NAV2: variants seen among roughly 807,000 people sequenced by gnomAD.
NAV2 encodes helicase, APC down-regulated 1.
Under a neutral mutation model 223.2 loss-of-function variants are expected in NAV2, and 54 were observed. The ratio of observed to expected loss-of-function variants is 0.24; its 90% CI spans 0.19 to 0.30. The LOEUF (loss-of-function observed/expected upper bound fraction) is 0.30, where lower values mean the gene tolerates loss of function less well. Among genes scored for constraint, NAV2 ranks in the 10% least tolerant of loss-of-function variants. NAV2 has a pLI of 1.00. For missense variants in NAV2, 2,806 were observed against 3,147.5 expected, an observed-to-expected ratio of 0.89 and a Z score of 2.60; for synonymous variants, 1,279 against 1,239.3, an observed-to-expected ratio of 1.03 and a Z score of -0.67.
intron 1 of NAV2, among the ~76,000 whole-genome samples, chr11:19,427,016 C>T (rs758096765): frequency 1.3e-5 from 2 of 152,050 alleles, no homozygotes; most frequent in Non-Finnish European, 2.9e-5. Flanking sequence ...GGCATGGCAC[C>T]CTGCTACAGT....
chr11:19,986,009 T>C (rs1221798413), intron 11 of NAV2, among the ~76,000 whole-genome samples: 2 of 152,232 alleles, frequency 1.3e-5, no homozygotes, highest in Non-Finnish European at 2.9e-5. Context: ...ATTATTTTGC[T>C]TATTTGTATT....
At chr11:19,494,883 C>T (rs534081491) in intron 1 of NAV2, among the ~76,000 whole-genome samples, 20 of 152,296 alleles carry the variant, frequency 1.3e-4, no homozygotes, top group African/African-American at 4.6e-4. Flanking sequence ...GCAGCTGACC[C>T]CCCGGGCTGT....
intron 6 of NAV2, among the ~76,000 whole-genome samples, chr11:19,914,664 C>A (rs1167614395): frequency 6.6e-6 from 1 of 151,884 alleles, no homozygotes. Flanking sequence ...CCTGCCTCAG[C>A]CTCCCGAGTA....
chr11:20,023,149 A>C, intron 11 of NAV2: 1 of 1,551,360 alleles, frequency 6.4e-7, no homozygotes, highest in Non-Finnish European at 8.7e-7. Context: ...CGATTTTCTA[A>C]AATTTCTGGG....
chr11:19,850,816 A>G lies in NAV2; in HGVS notation c.438+7893A>G, dbSNP rs146246820. ...AAAATGATGATAAGGTACTGTTCTA[A>G]GTGCCTTCCATGTTTTAACTCATTT... On this transcript the variant is annotated intron_variant, in intron 3 of 37. Transcript: ENST00000349880. Among the ~76,000 whole-genome samples, 12 of 152,354 alleles carry G rather than the reference A, an allele frequency of 7.9e-5. No homozygotes were observed. In the East Asian group the frequency reaches 2.1e-3, roughly 27 times the overall value.
At chr11:19,554,147 T>C (rs1463775591) in intron 1 of NAV2, among the ~76,000 whole-genome samples, 1 of 152,202 alleles carries the variant, frequency 6.6e-6, no homozygotes, top group Admixed American at 6.5e-5. Context: ...GTTAGAGTCT[T>C]CTAAGGGCCT....
chr11:20,110,150 T>G (rs911716377), intron 36 of NAV2, among the ~76,000 whole-genome samples: 2 of 152,178 alleles, frequency 1.3e-5, no homozygotes, highest in African/African-American at 4.8e-5. Flanking sequence ...ACTAGTTCAG[T>G]GTGAGGCAGG....
intron 1 of NAV2, among the ~76,000 whole-genome samples, chr11:19,438,722 C>T (rs555906569): frequency 5.0e-4 from 76 of 152,230 alleles, no homozygotes; most frequent in Non-Finnish European, 7.5e-4. Context: ...TTATTATAAA[C>T]GGTACAGATT....
chr11:19,466,720 A>G (rs2702634), intron 1 of NAV2, among the ~76,000 whole-genome samples: 59,824 of 151,940 alleles, frequency 0.39, 11,883 homozygotes, highest in African/African-American at 0.43. Context: ...TCATGGACAC[A>G]TGCAAGGAGC....
intron 1 of NAV2, among the ~76,000 whole-genome samples, chr11:19,378,825 G>A (rs573016917): frequency 2.4e-4 from 37 of 152,212 alleles, no homozygotes; most frequent in South Asian, 4.2e-4. Context: ...CACAAGGCAG[G>A]TCATGCACTG....
At chr11:19,531,850 G>C (rs1467015243) in intron 1 of NAV2, among the ~76,000 whole-genome samples, 1 of 152,158 alleles carries the variant, frequency 6.6e-6, no homozygotes, top group Non-Finnish European at 1.5e-5. Flanking sequence ...TGTCCATTAA[G>C]CTAGGATACA....
chr11:19,367,554 G>C (rs1351595683), intron 1 of NAV2, among the ~76,000 whole-genome samples: 1 of 152,138 alleles, frequency 6.6e-6, no homozygotes, highest in East Asian at 1.9e-4. Context: ...TCATGGTGGT[G>C]GGGTTTTCAA....
intron 35 of NAV2, among the ~76,000 whole-genome samples, chr11:20,106,175 A>ATATGTG (rs11267537): frequency 2.8e-4 from 10 of 35,828 alleles, no homozygotes; most frequent in Non-Finnish European, 4.7e-4. Flanking sequence ...ATATATATAT[A>ATATGTG]TGTGTGTGTA....
intron 1 of NAV2, among the ~76,000 whole-genome samples, chr11:19,458,047 A>G (rs1852018446): frequency 6.6e-6 from 1 of 152,004 alleles, no homozygotes; most frequent in African/African-American, 2.4e-5. Context: ...TCCCCCTCCT[A>G]TGATGGTTTG....
intron 1 of NAV2, among the ~76,000 whole-genome samples, chr11:19,411,126 A>AC (rs930340140): frequency 1.3e-4 from 20 of 151,870 alleles, no homozygotes; most frequent in Non-Finnish European, 2.8e-4. Flanking sequence ...GCTTGACCCC[A>AC]CCCCCAGAGT....
At chr11:19,611,845 C>T (rs1443957853) in intron 1 of NAV2, among the ~76,000 whole-genome samples, 1 of 152,150 alleles carries the variant, frequency 6.6e-6, no homozygotes, top group Non-Finnish European at 1.5e-5. Flanking sequence ...GAATGGTGGC[C>T]CTCTTCTCAC....
Position 20,049,035 on chromosome 11 carries a change from G to T in NAV2, c.4210G>T (p.Val1404Phe), listed in dbSNP as rs758062815. Reference protein sequence around the residue: ...VSKDGLGFQSVSSLHTSCESI... With the variant: ...VSKDGLGFQSFSSLHTSCESI... Reference sequence around the variant, plus strand: ...CAAGGATGGCCTGGGCTTTCAGTCTGTCAGCAGCCTCCACACCAGCTGTGA... The same window carrying T: ...CAAGGATGGCCTGGGCTTTCAGTCTTTCAGCAGCCTCCACACCAGCTGTGA... Residue 1404 changes from valine (V) to phenylalanine (F), a missense_variant, in exon 15 of 38, where the codon GTC (valine) becomes TTC (phenylalanine). Physicochemically the swap from Val to Phe is conservative, Grantham distance 50. Transcript: ENST00000349880. 2 of 1,614,010 alleles carry T rather than the reference G, an allele frequency of 1.2e-6. No homozygotes were observed. The highest frequency in any genetic ancestry group is 1.3e-5 in the African/African-American group (1 of 74,916).
At chr11:19,513,026 G>A (rs1369791089) in intron 1 of NAV2, among the ~76,000 whole-genome samples, 3 of 152,316 alleles carry the variant, frequency 2.0e-5, no homozygotes, top group East Asian at 3.9e-4. Flanking sequence ...CAGAGACCCA[G>A]GCTGGGGCAG....
At chr11:20,105,487 G>T in intron 34 of NAV2, 44 bp from the exon 35 acceptor site, 1 of 1,542,034 alleles carries the variant, frequency 6.5e-7, no homozygotes, top group Non-Finnish European at 8.9e-7. Context: ...GCCATCATTT[G>T]GATCACCATC....
Sources: gnomAD v4.1 joint callset for allele counts (sites outside exome capture counted in the v4.1 genomes callset) on GRCh38, gnomAD v4.1.1 for gene constraint, MANE v1.5 for transcripts, NCBI Gene and HGNC (gene_info 2026-07-23, HGNC 2026-07-21) for gene names.